THNSL2: variants seen among roughly 807,000 people sequenced by gnomAD.
THNSL2 encodes the protein threonine synthase-like 2.
THNSL2 carries 34 observed loss-of-function variants against 40.0 expected under a neutral mutation model. That is an observed-to-expected ratio of 0.85 (90% CI 0.65 to 1.13). The LOEUF (loss-of-function observed/expected upper bound fraction) is 1.13, where lower values mean the gene tolerates loss of function less well. THNSL2 is among the 50% of genes most tolerant of loss of function. The pLI is 0.00. For synonymous variants in THNSL2, 241 were observed against 247.5 expected, an observed-to-expected ratio of 0.97 and a Z score of 0.25; for missense variants, 537 against 608.8, an observed-to-expected ratio of 0.88 and a Z score of 1.24.
chr2:88,185,990 T>A lies in THNSL2; in HGVS notation c.1322T>A (p.Ile441Asn), dbSNP rs749336265. 8.1e-6 allele frequency: 13 copies of A among 1,612,458 alleles called. No homozygotes were observed. The highest frequency in any genetic ancestry group is 1.1e-5 in the Non-Finnish European group (13 of 1,179,620). ...AGLTPETPAE[I>N]VALEHKETRC... Reference sequence around the variant, plus strand: ...CTGACCCCTGAGACTCCCGCGGAGATCGTAGCCCTGGAGCACAAGGAGACA... The same window carrying A: ...CTGACCCCTGAGACTCCCGCGGAGAACGTAGCCCTGGAGCACAAGGAGACA... Residue 441 changes from isoleucine (I) to asparagine (N), a missense_variant, in exon 9 of 9, where the codon ATC becomes AAC. By Grantham distance (149) the Ile-to-Asn change is moderately radical. Coordinates refer to ENST00000674334, the MANE Select transcript of THNSL2 (RefSeq NM_018271.5).
chr2:88,179,155 TC>T, intron 5 of THNSL2, 142 bp downstream of exon 5: 2 of 840,898 alleles, frequency 2.4e-6, no homozygotes, highest in East Asian at 5.2e-5. Context: ...CCACAGAAGT[TC>T]CCAGGAGATT....
intron 7 of THNSL2, 42 bp from the exon 8 acceptor site, chr2:88,185,286 T>C (rs754229065): frequency 6.8e-5 from 104 of 1,539,838 alleles, no homozygotes; most frequent in Middle Eastern, 1.7e-4. Context: ...TTTCCCTACA[T>C]CCCCCCCCCA....
At chr2:88,185,249 TG>T in intron 7 of THNSL2, 78 bp from the exon 8 acceptor site, 1 of 1,534,870 alleles carries the variant, frequency 6.5e-7, no homozygotes, top group Non-Finnish European at 8.8e-7. Context: ...TGTGTGGATC[TG>T]TGGTGGAGAG....
At chr2:88,182,655 T>C (rs1201859490) in intron 5 of THNSL2, 44 bp from the exon 6 acceptor site, 1 of 1,470,606 alleles carries the variant, frequency 6.8e-7, no homozygotes. Flanking sequence ...TCTTTTTGCT[T>C]TTATTTCTAA....
At position 88,178,817 on chromosome 2, in the gene THNSL2, C is replaced by A. The variant is rs1456440217; in HGVS notation, c.606C>A (p.Ile202=). 3 of 1,614,130 alleles carry A rather than the reference C, an allele frequency of 1.9e-6. No individual in the cohort carries two copies. Among genetic ancestry groups the A allele is most frequent in the Non-Finnish European group, 2.5e-6 (3 of 1,180,002 alleles). ...EGNSDELDEP[I]KTVFADVAFV... is the part of the protein sequence containing the mutation. ...ACAGCGATGAGCTCGATGAGCCGAT[C>A]AAGACTGTGTTTGCCGATGTGGCTT... is the stretch of plus-strand genomic sequence containing the variant. The change falls in exon 5 of 9, where the codon ATC becomes ATA. Residue 202 remains isoleucine, a synonymous_variant. Coordinates refer to ENST00000674334, the MANE Select transcript of THNSL2 (RefSeq NM_018271.5).
At chr2:88,173,727 A>G (rs1302932367) in intron 2 of THNSL2, among the ~76,000 whole-genome samples, 1 of 151,930 alleles carries the variant, frequency 6.6e-6, no homozygotes, top group Non-Finnish European at 1.5e-5. Context: ...AAGCACCCAG[A>G]CCCCCAAATT....
At chr2:88,171,210 T>C in intron 1 of THNSL2, 1 of 450,858 alleles carries the variant, frequency 2.2e-6, no homozygotes, top group African/African-American at 2.0e-5. Context: ...AACCCAACCA[T>C]GTGTATTTCT....
intron 5 of THNSL2, 105 bp downstream of exon 5, chr2:88,179,118 T>A (rs1174817975): frequency 8.5e-7 from 1 of 1,172,558 alleles, no homozygotes; most frequent in Non-Finnish European, 1.2e-6. Flanking sequence ...GAAGGTGGAG[T>A]CCCAGTTCTG....
chr2:88,171,251 C>G (rs1676338676), intron 1 of THNSL2: 2 of 456,208 alleles, frequency 4.4e-6, no homozygotes, highest in East Asian at 7.0e-5. Flanking sequence ...CCTGGGAATG[C>G]TGCCCCTGGA....
In THNSL2 at chr2:88,185,349, G is replaced by T; in HGVS notation, c.1099G>T (p.Val367Leu). 1.9e-6 allele frequency: 3 copies of T among 1,613,698 alleles called. No individual in the cohort carries two copies. The highest frequency in any genetic ancestry group is 2.5e-6 in the Non-Finnish European group (3 of 1,179,922). ...HSKLSEAVTS[V>L]SVSDEAITQT... is the part of the protein sequence containing the mutation. Reference sequence around the variant, plus strand: ...TCAGCTTTCAGAGGCAGTGACATCCGTGTCAGTGTCGGATGAAGCCATCAC... The same window carrying T: ...TCAGCTTTCAGAGGCAGTGACATCCTTGTCAGTGTCGGATGAAGCCATCAC... Residue 367 changes from valine (V) to leucine (L), a missense_variant, in exon 8 of 9, where the codon GTG becomes TTG. Physicochemically the swap from Val to Leu is conservative, Grantham distance 32. Transcript: ENST00000674334.
Position 88,185,494 on chromosome 2 carries a change from G to A in THNSL2, c.1229+15G>A, listed in dbSNP as rs896117299. The A allele has an allele frequency of 1.9e-6, 3 of 1,596,506 alleles. No individual in the cohort carries two copies. Among genetic ancestry groups the A allele is most frequent in the Non-Finnish European group, 2.6e-6 (3 of 1,171,326 alleles). On this transcript the variant is annotated intron_variant, in intron 8 of 8. Transcript: ENST00000674334. ...CAGCAGCCCAGGTACAGGCAATGGG[G>A]GCCTGGGCCACTGAGGGACCATTTG...
intron 8 of THNSL2, 171 bp downstream of exon 8, chr2:88,185,650 A>C: frequency 6.4e-7 from 1 of 1,551,572 alleles, no homozygotes; most frequent in Non-Finnish European, 8.7e-7. Flanking sequence ...AGGGAGCGTG[A>C]CAGATATCCC....
intron 4 of THNSL2, chr2:88,175,792 G>A (rs1213339675): frequency 5.9e-6 from 1 of 168,658 alleles, no homozygotes; most frequent in Non-Finnish European, 1.3e-5. Context: ...CAACATGTTA[G>A]ATAATTATTT....
intron 4 of THNSL2, among the ~76,000 whole-genome samples, chr2:88,178,555 G>A (rs1328473907): frequency 1.3e-5 from 2 of 152,136 alleles, no homozygotes; most frequent in Admixed American, 6.5e-5. Flanking sequence ...TCTAAGCTAG[G>A]GCAGATATTT....
chr2:88,185,742 A>G lies in THNSL2; in HGVS notation c.1230-156A>G, dbSNP rs372807847. The G allele has an allele frequency of 3.7e-5, 58 of 1,549,274 alleles. 1 individual carries two copies. In the East Asian group the frequency reaches 5.1e-4, roughly 14 times the overall value. ...TTTGCCAGGTAGCGTCATTGTAGCA[A>G]TAAGTTCAAGGTGCCAATTGTCTGT... On this transcript the variant is annotated intron_variant, in intron 8 of 8. Coordinates refer to ENST00000674334, the MANE Select transcript of THNSL2 (RefSeq NM_018271.5).
At position 88,181,789 on chromosome 2, in the gene THNSL2, C is replaced by G. The variant is rs372205687; in HGVS notation, c.803-910C>G. ...TCTTCACTTTTCTTTAGACCACCTC[C>G]TTCGCCAGCCCTTGGTAACCACGAA... On this transcript the variant is annotated intron_variant, in intron 5 of 8. Transcript: ENST00000674334. Among the ~76,000 whole-genome samples, 29 of 152,186 alleles carry G rather than the reference C, an allele frequency of 1.9e-4. 1 individual carries two copies. In the South Asian group the frequency reaches 6.0e-3, roughly 32 times the overall value.
chr2:88,175,227 G>T, intron 3 of THNSL2, 22 bp from the exon 4 acceptor site: 4 of 1,610,582 alleles, frequency 2.5e-6, no homozygotes, highest in Admixed American at 1.7e-5. Flanking sequence ...AAGGGGGAGA[G>T]TTCTCCTTTC....
At chr2:88,170,876 C>T (rs1676293850) in intron 1 of THNSL2, among the ~76,000 whole-genome samples, 1 of 152,080 alleles carries the variant, frequency 6.6e-6, no homozygotes, top group South Asian at 2.1e-4. Context: ...CGCCCTGTCC[C>T]ACCCCTTCTC....
intron 5 of THNSL2, among the ~76,000 whole-genome samples, chr2:88,180,767 G>A (rs1038395020): frequency 2.1e-4 from 32 of 152,146 alleles, no homozygotes; most frequent in Non-Finnish European, 3.4e-4. Flanking sequence ...ATGCAAACAA[G>A]AACTGCTGTT....
Sources: gnomAD v4.1 joint callset for allele counts (sites outside exome capture counted in the v4.1 genomes callset) on GRCh38, gnomAD v4.1.1 for gene constraint, MANE v1.5 for transcripts, NCBI Gene and HGNC (gene_info 2026-07-23, HGNC 2026-07-21) for gene names.